Variants in EXOC4 observed in about 807,000 individuals in gnomAD.
EXOC4 encodes the protein exocyst complex component 4.
In EXOC4, 71 loss-of-function variants were observed where a neutral mutation model predicts 107.2. The observed-to-expected ratio is 0.66, with a 90% confidence interval of 0.55 to 0.81. EXOC4 has a LOEUF of 0.81. Among genes scored for constraint, EXOC4 ranks in the 30% least tolerant of loss-of-function variants. The probability of loss-of-function intolerance (pLI) is 0.00; values close to 1 mark genes in which losing one functional copy is unlikely to be tolerated. For synonymous variants in EXOC4, 456 were observed against 441.2 expected (o/e 1.03, Z -0.42); for missense variants, 1,108 against 1,189.6 (o/e 0.93, Z 1.01).
chr7:133,499,857 C>T (rs1015065237), intron 9 of EXOC4, among the ~76,000 whole-genome samples: 3 of 152,132 alleles, frequency 2.0e-5, no homozygotes, highest in South Asian at 2.1e-4. Flanking sequence ...AAGCAGAAGC[C>T]GCTATGCTTC....
At chr7:133,526,815 C>CA in intron 9 of EXOC4, among the ~76,000 whole-genome samples, 1 of 151,698 alleles carries the variant, frequency 6.6e-6, no homozygotes, top group Non-Finnish European at 1.5e-5. Flanking sequence ...ACTAAAAATA[C>CA]AAAAAAATTA....
rs1006610385 is a variant in EXOC4, at chr7:133,641,179, A to C, written c.1514+11038A>C. On this transcript the variant is annotated intron_variant, in intron 10 of 17. Transcript: ENST00000253861. ...GGACCCAATTGAGAGACCCTAACAT[A>C]GTTGTAGTGAGTTGGGAATTTACTT... 6.8e-4 allele frequency among the ~76,000 whole-genome samples: 104 copies of C among 152,148 alleles called. 5 individuals carry two copies. The highest frequency in any genetic ancestry group is 2.9e-5 in the Non-Finnish European group (2 of 68,030).
chr7:133,824,541 C>T (rs1026397285), intron 11 of EXOC4, among the ~76,000 whole-genome samples: 35 of 152,136 alleles, frequency 2.3e-4, no homozygotes, highest in South Asian at 2.1e-4. Context: ...GCAGAAGCAG[C>T]GTGCAGTATT....
chr7:133,649,549 A>G (rs1217919788), intron 10 of EXOC4, among the ~76,000 whole-genome samples: 1 of 146,356 alleles, frequency 6.8e-6, no homozygotes, highest in African/African-American at 2.5e-5. Flanking sequence ...TGAAGAAGGG[A>G]TGGAATGGTG....
chr7:133,652,449 T>TA (rs61237909), intron 10 of EXOC4, among the ~76,000 whole-genome samples: 25,047 of 151,088 alleles, frequency 0.17, 2,284 homozygotes, highest in Middle Eastern at 0.21. Flanking sequence ...TTTTTTTTTT[T>TA]AAAAAAAACA....
chr7:133,702,182 A>C (rs1480023784), intron 10 of EXOC4, among the ~76,000 whole-genome samples: 15 of 150,826 alleles, frequency 9.9e-5, no homozygotes, highest in South Asian at 6.3e-4. Flanking sequence ...ATAAATACTT[A>C]ATAGCAAAAT....
intron 9 of EXOC4, chr7:133,576,995 T>G (rs1421729664): frequency 1.9e-6 from 1 of 540,020 alleles, no homozygotes; most frequent in Non-Finnish European, 2.9e-6. Context: ...GGGTTGGATG[T>G]CTGTTTTCAT....
intron 14 of EXOC4, among the ~76,000 whole-genome samples, chr7:133,991,524 C>G (rs1171262956): frequency 6.6e-6 from 1 of 152,042 alleles, no homozygotes; most frequent in African/African-American, 2.4e-5. Flanking sequence ...AATCTTTGCC[C>G]ATATCAATGT....
intron 9 of EXOC4, among the ~76,000 whole-genome samples, chr7:133,489,405 G>A (rs1219409825): frequency 6.6e-6 from 1 of 152,162 alleles, no homozygotes; most frequent in African/African-American, 2.4e-5. Flanking sequence ...GTAGTTTAAT[G>A]TTCCTGTTTA....
chr7:133,339,001 C>T (rs1043074672), intron 5 of EXOC4, among the ~76,000 whole-genome samples: 1 of 152,104 alleles, frequency 6.6e-6, no homozygotes, highest in Non-Finnish European at 1.5e-5. Context: ...ATCCGCCCTC[C>T]TTGCCCTCCC....
intron 10 of EXOC4, among the ~76,000 whole-genome samples, chr7:133,632,627 C>T (rs376409176): frequency 2.0e-4 from 31 of 152,018 alleles, no homozygotes; most frequent in South Asian, 8.3e-4. Context: ...TGTAATGAAA[C>T]GAACCAGTGT....
At chr7:133,575,735 G>T (rs1263636895) in intron 9 of EXOC4, among the ~76,000 whole-genome samples, 1 of 152,132 alleles carries the variant, frequency 6.6e-6, no homozygotes, top group Admixed American at 6.5e-5. Flanking sequence ...ATGCCCAGTG[G>T]TATACAATTC....
intron 12 of EXOC4, among the ~76,000 whole-genome samples, chr7:133,896,049 A>T (rs1279811532): frequency 1.3e-5 from 2 of 152,332 alleles, no homozygotes; most frequent in African/African-American, 4.8e-5. Flanking sequence ...TGGTTAGTCT[A>T]TCTTGTGGTT....
chr7:133,873,090 A>T (rs1196367233), intron 11 of EXOC4, among the ~76,000 whole-genome samples: 1 of 152,194 alleles, frequency 6.6e-6, no homozygotes, highest in Non-Finnish European at 1.5e-5. Flanking sequence ...TATGAGGATT[A>T]TTTGAGGCAG....
chr7:133,875,195 A>C (rs1798823068), intron 11 of EXOC4, among the ~76,000 whole-genome samples: 1 of 152,156 alleles, frequency 6.6e-6, no homozygotes, highest in South Asian at 2.1e-4. Context: ...CTTGTGATAA[A>C]ATAGGGATGA....
chr7:133,857,607 T>C (rs62470399), intron 11 of EXOC4, among the ~76,000 whole-genome samples: 16,831 of 151,008 alleles, frequency 0.11, 1,007 homozygotes, highest in Middle Eastern at 0.17. Flanking sequence ...TGTGCGCCAC[T>C]AAGCATGGGG....
intron 10 of EXOC4, among the ~76,000 whole-genome samples, chr7:133,661,916 G>A (rs1439394000): frequency 6.6e-6 from 1 of 151,980 alleles, no homozygotes; most frequent in East Asian, 1.9e-4. Flanking sequence ...AAGAAAGGCT[G>A]GAGCTAGGAA....
intron 7 of EXOC4, among the ~76,000 whole-genome samples, chr7:133,389,726 G>A (rs1149552): frequency 0.3 from 45,330 of 151,836 alleles, 8,107 homozygotes; most frequent in East Asian, 0.49. Context: ...TGTGTTATAG[G>A]AAGTGTATTA....
At chr7:133,343,159 G>T (rs1048639093) in intron 5 of EXOC4, among the ~76,000 whole-genome samples, 2 of 152,152 alleles carry the variant, frequency 1.3e-5, no homozygotes, top group African/African-American at 4.8e-5. Flanking sequence ...CTATGTCAGA[G>T]AAAGGATCTG....
Sources: gnomAD v4.1 joint callset for allele counts (sites outside exome capture counted in the v4.1 genomes callset) on GRCh38, gnomAD v4.1.1 for gene constraint, MANE v1.5 for transcripts, NCBI Gene and HGNC (gene_info 2026-07-23, HGNC 2026-07-21) for gene names.